IFT56: variants seen among roughly 807,000 people sequenced by gnomAD.
IFT56 encodes the protein intraflagellar transport 56.
At chr7:139,177,600 C>CAT in the IFT56 span, among the ~76,000 whole-genome samples, 7 of 134,106 alleles carry the variant, frequency 5.2e-5, no homozygotes, top group Admixed American at 1.6e-4. Flanking sequence ...ATCGGATATA[C>CAT]ATATATATAT....
chr7:139,160,524 G>T, the IFT56 span, among the ~76,000 whole-genome samples: 1 of 151,530 alleles, frequency 6.6e-6, no homozygotes, highest in Middle Eastern at 3.2e-3. Context: ...CTGCCTCCCA[G>T]GTTCAAGTGT....
chr7:139,142,368 G>A, the IFT56 span: 3 of 1,377,500 alleles, frequency 2.2e-6, no homozygotes, highest in Non-Finnish European at 3.1e-6. Context: ...CTTCCTTCTT[G>A]TTACTAACAC....
At chr7:139,183,694 A>G in the IFT56 span, among the ~76,000 whole-genome samples, 1 of 151,958 alleles carries the variant, frequency 6.6e-6, no homozygotes, top group East Asian at 1.9e-4. Flanking sequence ...AAAACCAACC[A>G]TGAAATACTT....
At chr7:139,148,448 A>T in the IFT56 span, 40 of 1,431,042 alleles carry the variant, frequency 2.8e-5, no homozygotes, top group Non-Finnish European at 2.9e-6. Context: ...CAAGTTATTC[A>T]TGAAACTCTG....
At chr7:139,187,479 A>G in the IFT56 span, 4 of 1,614,044 alleles carry the variant, frequency 2.5e-6, no homozygotes, top group African/African-American at 4.0e-5. Context: ...GAATATTGGG[A>G]AGGCAAACGG....
the IFT56 span, among the ~76,000 whole-genome samples, chr7:139,171,498 A>T: frequency 1.3e-5 from 2 of 152,192 alleles, no homozygotes; most frequent in Non-Finnish European, 2.9e-5. Context: ...ACAGACATAT[A>T]GACCAATGGA....
the IFT56 span, among the ~76,000 whole-genome samples, chr7:139,184,914 CGTG>C: frequency 6.6e-6 from 1 of 151,290 alleles, no homozygotes; most frequent in South Asian, 2.1e-4. Flanking sequence ...ATTAGCCAGG[CGTG>C]GTGGCGGGCG....
the IFT56 span, among the ~76,000 whole-genome samples, chr7:139,187,158 A>T: frequency 1.3e-5 from 2 of 152,032 alleles, no homozygotes; most frequent in East Asian, 3.8e-4. Context: ...TCTATGTAGA[A>T]AAAATGTTAT....
chr7:139,168,986 T>C, the IFT56 span, among the ~76,000 whole-genome samples: 1 of 152,334 alleles, frequency 6.6e-6, no homozygotes, highest in African/African-American at 2.4e-5. Flanking sequence ...CTACAGCTCC[T>C]GTTCCAAGGT....
the IFT56 span, among the ~76,000 whole-genome samples, chr7:139,188,665 C>A: frequency 6.6e-6 from 1 of 152,152 alleles, no homozygotes; most frequent in African/African-American, 2.4e-5. Flanking sequence ...GGTTCATAGG[C>A]AGTCGCCTAC....
chr7:139,189,251 C>T, the IFT56 span: 12 of 1,173,988 alleles, frequency 1.0e-5, no homozygotes, highest in South Asian at 1.7e-4. Flanking sequence ...AAGGACAGTT[C>T]AGAGTTTATT....
the IFT56 span, chr7:139,147,252 A>G: frequency 6.2e-7 from 1 of 1,613,448 alleles, no homozygotes; most frequent in South Asian, 1.1e-5. Flanking sequence ...ACTACCAAGA[A>G]GCTATAGATA....
At chr7:139,177,719 CTG>C in the IFT56 span, among the ~76,000 whole-genome samples, 1 of 151,666 alleles carries the variant, frequency 6.6e-6, no homozygotes, top group Admixed American at 6.6e-5. Flanking sequence ...TTAGGAATGT[CTG>C]TGGCAAGGGT....
chr7:139,180,655 G>T, the IFT56 span, among the ~76,000 whole-genome samples: 7 of 151,806 alleles, frequency 4.6e-5, no homozygotes, highest in East Asian at 1.4e-3. Flanking sequence ...GTTGCAGTGA[G>T]CCAAGATCGC....
the IFT56 span, among the ~76,000 whole-genome samples, chr7:139,142,910 C>T: frequency 1.3e-5 from 2 of 151,944 alleles, no homozygotes. Context: ...TGTCCTGACT[C>T]CTAGAAATAA....
chr7:139,166,982 G>T, the IFT56 span: 3 of 824,122 alleles, frequency 3.6e-6, no homozygotes, highest in Non-Finnish European at 6.2e-6. Flanking sequence ...TATTAGAGAA[G>T]ATTAGGCAGA....
the IFT56 span, among the ~76,000 whole-genome samples, chr7:139,180,393 C>T: frequency 6.6e-6 from 1 of 151,408 alleles, no homozygotes; most frequent in African/African-American, 2.4e-5. Flanking sequence ...ACTATTGTTT[C>T]TTGTTCCTTT....
chr7:139,151,110 A>T, the IFT56 span, among the ~76,000 whole-genome samples: 13 of 152,252 alleles, frequency 8.5e-5, no homozygotes, highest in Non-Finnish European at 1.5e-4. Flanking sequence ...CTGACAAATT[A>T]AGGAGAATCA....
the IFT56 span, among the ~76,000 whole-genome samples, chr7:139,153,128 A>G: frequency 2.0e-5 from 3 of 149,234 alleles, no homozygotes; most frequent in African/African-American, 7.5e-5. Flanking sequence ...CAGCCCGAGC[A>G]ACGGAGCAAG....
Sources: gnomAD v4.1 joint callset for allele counts (sites outside exome capture counted in the v4.1 genomes callset) on GRCh38, gnomAD v4.1.1 for gene constraint, MANE v1.5 for transcripts, NCBI Gene and HGNC (gene_info 2026-07-23, HGNC 2026-07-21) for gene names.